The following PDE9A variants were observed in gnomAD, a reference collection of about 807,000 sequenced individuals.
The protein encoded by PDE9A is high affinity cGMP-specific 3',5'-cyclic phosphodiesterase 9A.
A neutral mutation model predicts 87.4 loss-of-function variants in PDE9A; 60 were observed. That is an observed-to-expected ratio of 0.69 (90% CI 0.56 to 0.85). The LOEUF is 0.85. Among genes scored for constraint, PDE9A ranks in the 40% least tolerant of loss-of-function variants. The pLI is 0.00. For missense variants in PDE9A, 665 were observed against 779.0 expected, an observed-to-expected ratio of 0.85 and a Z score of 1.74; for synonymous variants, 272 against 279.4, an observed-to-expected ratio of 0.97 and a Z score of 0.27.
chr21:42,746,754 C>T (rs1421951208), intron 8 of PDE9A, among the ~76,000 whole-genome samples: 1 of 152,268 alleles, frequency 6.6e-6, no homozygotes, highest in Non-Finnish European at 1.5e-5. Context: ...AGTGAGACAT[C>T]AGCCCCCAGG....
At chr21:42,738,065 A>G (rs930549370) in intron 7 of PDE9A, among the ~76,000 whole-genome samples, 1 of 152,198 alleles carries the variant, frequency 6.6e-6, no homozygotes, top group East Asian at 1.9e-4. Context: ...AACATTAAAA[A>G]GAGATTTTAA....
rs978409678 is a variant in PDE9A, at chr21:42,705,103, G to A, written c.262+6092G>A. Among the ~76,000 whole-genome samples the A allele has an allele frequency of 2.0e-5, 3 of 152,172 alleles. No homozygotes were observed. The highest frequency in any genetic ancestry group is 6.5e-5 in the Admixed American group (1 of 15,284). On this transcript the variant is annotated intron_variant, in intron 4 of 19. Transcript: ENST00000291539. This position sits in a 1 kb window ranked among gnomAD's most constrained non-coding sequence, Gnocchi z 4.3. Reference sequence around the variant, plus strand: ...GCATGGCACAGCCTCGTTCTCCAGCGTAGAGTAGAAGGAATGGCCCCGTCC... The same window carrying A: ...GCATGGCACAGCCTCGTTCTCCAGCATAGAGTAGAAGGAATGGCCCCGTCC...
At chr21:42,690,011 T>C in intron 3 of PDE9A, 2 of 985,170 alleles carry the variant, frequency 2.0e-6, no homozygotes, top group Non-Finnish European at 2.4e-6. Context: ...CGGATGAGGA[T>C]ACAGGTGAAG....
intron 1 of PDE9A, among the ~76,000 whole-genome samples, chr21:42,661,378 C>A (rs1463135293): frequency 6.7e-6 from 1 of 149,324 alleles, no homozygotes; most frequent in Non-Finnish European, 1.5e-5. Context: ...GAACAATAAA[C>A]CCTCCCTCCC....
chr21:42,760,384 C>T lies in PDE9A; in HGVS notation c.954C>T (p.Phe318=), dbSNP rs144720521. Residue 318 remains phenylalanine (F), a synonymous_variant, in exon 12 of 20, where the codon TTC becomes TTT. Coordinates refer to ENST00000291539, the MANE Select transcript of PDE9A (RefSeq NM_002606.3). The surrounding 1 kb of genome is among the most constrained non-coding windows in gnomAD (Gnocchi z 5.2). ...CCTTCCACAACTTCCGGCACTGCTT[C>T]TGCGTGGCCCAGATGATGTACAGCA... ...NNPFHNFRHC[F]CVAQMMYSMV... 4 of 1,609,746 alleles carry T rather than the reference C, an allele frequency of 2.5e-6. No homozygotes were observed. In the South Asian group the frequency reaches 3.3e-5, roughly 13 times the overall value.
At position 42,704,433 on chromosome 21, in the gene PDE9A, AACACACACACACAC is replaced by A. The variant is rs34581078; in HGVS notation, c.262+5446_262+5459del. Among the ~76,000 whole-genome samples the A allele has an allele frequency of 8.0e-5, 11 of 137,116 alleles. No homozygotes were observed. Among genetic ancestry groups the A allele is most frequent in the Non-Finnish European group, 1.6e-4 (10 of 63,714 alleles). 90.0% of individuals were successfully genotyped at this position (137,116 alleles called of 152,430 possible). A position where few individuals can be genotyped will look rare whatever the true frequency, so the allele number is the denominator to read the frequency against. ...CAGGTAGACCCCCCCCACCCCACCA[AACACACACACACAC>A]ACACACACACACACACACACACAGC... On this transcript the variant is annotated intron_variant, in intron 4 of 19. Coordinates refer to ENST00000291539, the MANE Select transcript of PDE9A (RefSeq NM_002606.3). This position sits in a 1 kb window ranked among gnomAD's most constrained non-coding sequence, Gnocchi z 5.3.
intron 1 of PDE9A, among the ~76,000 whole-genome samples, chr21:42,678,466 C>A (rs796217648): frequency 4.6e-5 from 7 of 152,204 alleles, no homozygotes; most frequent in African/African-American, 1.7e-4. Flanking sequence ...AGCTGCCTGC[C>A]CCAGTAGGAG....
intron 9 of PDE9A, among the ~76,000 whole-genome samples, chr21:42,753,095 C>T (rs1183683379): frequency 1.3e-5 from 2 of 152,182 alleles, no homozygotes; most frequent in African/African-American, 2.4e-5. Flanking sequence ...CAACCTCCCC[C>T]TCCTGGGTTC....
At chr21:42,772,312 G>A (rs1029419974) in intron 18 of PDE9A, 127 bp from the exon 19 acceptor site, 12 of 641,366 alleles carry the variant, frequency 1.9e-5, no homozygotes, top group African/African-American at 1.8e-5. Flanking sequence ...CTTGGGCTCA[G>A]AGGGGCTGGG....
Position 42,687,978 on chromosome 21 carries a change from C to A in PDE9A, c.202C>A (p.Pro68Thr). The change falls in exon 3 of 20, where the codon CCC (proline) becomes ACC (threonine). Residue 68 changes from proline (P) to threonine (T), a missense_variant. By Grantham distance (38) the Pro-to-Thr change is conservative. Coordinates refer to ENST00000291539, the MANE Select transcript of PDE9A (RefSeq NM_002606.3). ...DAMVSIDPTM[P>T]ANSERTPYKV... is the part of the protein sequence containing the mutation. ...CATGGTCTCCATCGACCCCACCATG[C>A]CCGCGAATTCAGAACGGTAAGAGGC... 2 of 1,612,814 alleles carry A rather than the reference C, an allele frequency of 1.2e-6. No homozygotes were observed. Among genetic ancestry groups the A allele is most frequent in the Non-Finnish European group, 1.7e-6 (2 of 1,179,892 alleles).
chr21:42,701,422 C>T (rs556940407), intron 4 of PDE9A, among the ~76,000 whole-genome samples: 38 of 143,396 alleles, frequency 2.6e-4, no homozygotes, highest in African/African-American at 9.7e-4. Context: ...CTTTTCTTTG[C>T]TGTTTTGCTT....
At chr21:42,754,128 TG>T in intron 10 of PDE9A, 64 bp downstream of exon 10, 2 of 907,624 alleles carry the variant, frequency 2.2e-6, no homozygotes, top group Non-Finnish European at 3.6e-6. Context: ...TGGACGCCAG[TG>T]GGACCACCCC....
At chr21:42,773,127 T>G (rs2057169076) in intron 19 of PDE9A, among the ~76,000 whole-genome samples, 1 of 151,062 alleles carries the variant, frequency 6.6e-6, no homozygotes, top group Admixed American at 6.6e-5. Flanking sequence ...CCAGGTGTTG[T>G]GGCGTGCACC....
chr21:42,735,293 A>G (rs910086059), intron 7 of PDE9A, among the ~76,000 whole-genome samples: 2 of 152,158 alleles, frequency 1.3e-5, no homozygotes, highest in African/African-American at 4.8e-5. Context: ...CTGCTTCTCC[A>G]TGTCACTGGC....
intron 19 of PDE9A, among the ~76,000 whole-genome samples, chr21:42,773,578 C>CG (rs1480110997): frequency 6.6e-6 from 1 of 151,300 alleles, no homozygotes; most frequent in Non-Finnish European, 1.5e-5. Context: ...GAGGCCAAGG[C>CG]GGCGGATCAC....
intron 1 of PDE9A, among the ~76,000 whole-genome samples, chr21:42,655,820 C>T (rs973227820): frequency 6.6e-6 from 1 of 152,042 alleles, no homozygotes; most frequent in African/African-American, 2.4e-5. Context: ...ACCCCCACCC[C>T]GCCCCCCATC....
chr21:42,768,456 A>G (rs2056612511), intron 16 of PDE9A, 164 bp downstream of exon 16: 1 of 1,117,944 alleles, frequency 8.9e-7, no homozygotes. Context: ...CAGAAACAAA[A>G]TAGGTTATAA....
intron 1 of PDE9A, among the ~76,000 whole-genome samples, chr21:42,681,261 G>T (rs1308878358): frequency 1.3e-5 from 2 of 152,202 alleles, no homozygotes; most frequent in Non-Finnish European, 2.9e-5. Flanking sequence ...TACCCAAAGG[G>T]CTTCCTGTTC....
At chr21:42,719,961 T>C (rs1197680024) in intron 4 of PDE9A, among the ~76,000 whole-genome samples, 1 of 152,212 alleles carries the variant, frequency 6.6e-6, no homozygotes, top group Non-Finnish European at 1.5e-5. Context: ...TTCCTGGAAC[T>C]AGTCTATGGG....
Sources: allele counts gnomAD v4.1 joint callset (sites outside exome capture counted in the v4.1 genomes callset), GRCh38; gene constraint gnomAD v4.1.1; non-coding constraint Gnocchi (gnomAD v3.1); transcripts MANE v1.5; gene names NCBI Gene and HGNC (gene_info 2026-07-23, HGNC 2026-07-21).